The following RAPGEF5 variants were observed in gnomAD, a reference collection of about 807,000 sequenced individuals.
The protein encoded by RAPGEF5 is Rap guanine nucleotide exchange factor 5.
In RAPGEF5, 65 loss-of-function variants were observed where a neutral mutation model predicts 125.2. That is an observed-to-expected ratio of 0.52 (90% confidence interval 0.43 to 0.64). The LOEUF is 0.64. Ranked by LOEUF, RAPGEF5 falls within the 30% of genes least tolerant of loss-of-function variation. The pLI, the probability that RAPGEF5 is intolerant of heterozygous loss-of-function variation, is 0.00. For missense variants in RAPGEF5, 958 were observed against 1,048.1 expected (o/e 0.91, Z 1.19); for synonymous variants, 391 against 385.9 (o/e 1.01, Z -0.16).
At chr7:22,163,881 T>C (rs1162022204) in intron 12 of RAPGEF5, among the ~76,000 whole-genome samples, 2 of 152,250 alleles carry the variant, frequency 1.3e-5, no homozygotes, top group Non-Finnish European at 2.9e-5. Context: ...TTTCAGGCTT[T>C]GCTAATATTT....
intron 1 of RAPGEF5, among the ~76,000 whole-genome samples, chr7:22,335,837 T>C (rs1347826086): frequency 6.6e-6 from 1 of 152,180 alleles, no homozygotes; most frequent in East Asian, 1.9e-4. Context: ...CAGAAACTAC[T>C]TTTCATACAA....
intron 9 of RAPGEF5, among the ~76,000 whole-genome samples, chr7:22,214,784 G>A (rs944498778): frequency 4.7e-5 from 7 of 150,258 alleles, no homozygotes; most frequent in Non-Finnish European, 7.4e-5. Context: ...CTGTGGTTCC[G>A]GTTACCTTGG....
chr7:22,233,340 T>G (rs1786107264), intron 7 of RAPGEF5, among the ~76,000 whole-genome samples: 1 of 152,186 alleles, frequency 6.6e-6, no homozygotes, highest in Non-Finnish European at 1.5e-5. Context: ...TGTGCTTTAT[T>G]TGAATTTTTG....
intron 11 of RAPGEF5, among the ~76,000 whole-genome samples, chr7:22,183,725 G>T (rs1224376052): frequency 6.6e-6 from 1 of 152,186 alleles, no homozygotes; most frequent in East Asian, 1.9e-4. Flanking sequence ...ACATGCATAT[G>T]TCATTTAGAT....
intron 5 of RAPGEF5, among the ~76,000 whole-genome samples, chr7:22,292,157 T>C (rs1269981556): frequency 1.3e-5 from 2 of 152,328 alleles, no homozygotes; most frequent in East Asian, 1.9e-4. Context: ...AGTCCAGTGA[T>C]TGATTTCAAT....
chr7:22,286,625 T>C (rs1782804291), intron 6 of RAPGEF5, among the ~76,000 whole-genome samples: 1 of 152,232 alleles, frequency 6.6e-6, no homozygotes, highest in South Asian at 2.1e-4. Context: ...GCTTCCCAAG[T>C]ACTTCTCAGA....
intron 1 of RAPGEF5, among the ~76,000 whole-genome samples, chr7:22,325,283 G>C (rs1783792451): frequency 6.6e-6 from 1 of 152,140 alleles, no homozygotes; most frequent in African/African-American, 2.4e-5. Context: ...GCCTTCTATA[G>C]ATCTAGGACC....
intron 16 of RAPGEF5, among the ~76,000 whole-genome samples, chr7:22,155,189 T>A (rs927441879): frequency 6.6e-6 from 1 of 152,234 alleles, no homozygotes; most frequent in African/African-American, 2.4e-5. Flanking sequence ...ATTTCTCCCA[T>A]CAAGGTAGTG....
chr7:22,170,129 A>G (rs1189073690), intron 11 of RAPGEF5, among the ~76,000 whole-genome samples: 1 of 152,176 alleles, frequency 6.6e-6, no homozygotes, highest in Non-Finnish European at 1.5e-5. Context: ...CCCAGGCTGC[A>G]GTGCAAACTT....
At chr7:22,197,127 T>C (rs1213958196) in intron 9 of RAPGEF5, among the ~76,000 whole-genome samples, 3 of 152,164 alleles carry the variant, frequency 2.0e-5, no homozygotes, top group Non-Finnish European at 4.4e-5. Flanking sequence ...TGCCTGACAC[T>C]GTAACATTTA....
At chr7:22,213,825 T>A (rs1240348328) in intron 9 of RAPGEF5, among the ~76,000 whole-genome samples, 1 of 152,252 alleles carries the variant, frequency 6.6e-6, no homozygotes, top group East Asian at 1.9e-4. Flanking sequence ...TAAACTAAAT[T>A]ACTGATAAAC....
At chr7:22,339,869 A>G (rs1310199144) in intron 1 of RAPGEF5, among the ~76,000 whole-genome samples, 1 of 152,218 alleles carries the variant, frequency 6.6e-6, no homozygotes, top group East Asian at 1.9e-4. Context: ...GGTAGTTTTG[A>G]AAATATTATG....
chr7:22,292,737 CA>C (rs1226924374), intron 5 of RAPGEF5, among the ~76,000 whole-genome samples: 1 of 152,192 alleles, frequency 6.6e-6, no homozygotes, highest in Non-Finnish European at 1.5e-5. Context: ...GAGAACAAAA[CA>C]AGGGCTTCTG....
chr7:22,279,043 T>C (rs1782617851), intron 6 of RAPGEF5, among the ~76,000 whole-genome samples: 1 of 152,194 alleles, frequency 6.6e-6, no homozygotes, highest in Non-Finnish European at 1.5e-5. Flanking sequence ...CAAACCTCTT[T>C]ACAAACCACT....
chr7:22,344,394 A>G (rs898354442), intron 1 of RAPGEF5, among the ~76,000 whole-genome samples: 1 of 152,182 alleles, frequency 6.6e-6, no homozygotes, highest in Non-Finnish European at 1.5e-5. Context: ...CAAGCCTTGA[A>G]CAGTTCGAGG....
intron 6 of RAPGEF5, among the ~76,000 whole-genome samples, chr7:22,281,479 T>C (rs914640826): frequency 6.6e-6 from 1 of 152,214 alleles, no homozygotes; most frequent in Non-Finnish European, 1.5e-5. Flanking sequence ...CCCAAAGTGC[T>C]GGGATTACAA....
chr7:22,335,282 C>T (rs1784004698), intron 1 of RAPGEF5, among the ~76,000 whole-genome samples: 1 of 152,220 alleles, frequency 6.6e-6, no homozygotes, highest in African/African-American at 2.4e-5. Flanking sequence ...AGTTTTCTAC[C>T]AGACTCTACT....
intron 7 of RAPGEF5, among the ~76,000 whole-genome samples, chr7:22,260,184 T>C (rs1782115961): frequency 6.6e-6 from 1 of 152,206 alleles, no homozygotes; most frequent in Non-Finnish European, 1.5e-5. Flanking sequence ...AAAACTACTC[T>C]GTATGACACT....
chr7:22,150,606 A>C, intron 17 of RAPGEF5, 102 bp from the exon 18 acceptor site: 1 of 1,411,906 alleles, frequency 7.1e-7, no homozygotes, highest in Non-Finnish European at 9.3e-7. Context: ...TGCCAAAGAA[A>C]AATACTTAAA....
Sources: gnomAD v4.1 joint callset for allele counts (sites outside exome capture counted in the v4.1 genomes callset) on GRCh38, gnomAD v4.1.1 for gene constraint, MANE v1.5 for transcripts, NCBI Gene and HGNC (gene_info 2026-07-23, HGNC 2026-07-21) for gene names.